CFAP97D2: variants seen among roughly 807,000 people sequenced by gnomAD.
The protein encoded by CFAP97D2 is uncharacterized protein CFAP97D2.
chr13:114,200,401 CCAGGGGA>C lies in CFAP97D2; in HGVS notation c.252_258del (p.Gly85LeufsTer48). The C allele has an allele frequency of 2.5e-6, 1 of 398,694 alleles. No homozygotes were observed. Among genetic ancestry groups the C allele is most frequent in the Non-Finnish European group, 4.4e-6 (1 of 226,102 alleles). The allele number at this position is 398,694 out of a possible 1,614,324, so 24.7% of individuals were successfully genotyped here. The stretch of plus-strand genomic sequence containing the variant: ...GAGAAGGTGGCCTCTGTCATGAGGA[CCAGGGGA>C]CAGACTGACAGCAAAAACAACTCCA... On this transcript the variant is annotated frameshift_variant, in exon 3 of 5. Coordinates refer to ENST00000646158, the Ensembl canonical transcript of CFAP97D2. LOFTEE classifies it high-confidence loss of function.
intron 3 of CFAP97D2, among the ~76,000 whole-genome samples, chr13:114,201,417 T>C (rs1421317113): frequency 1.3e-5 from 2 of 152,224 alleles, no homozygotes; most frequent in Non-Finnish European, 2.9e-5. Flanking sequence ...AGGTGTGTGA[T>C]ACAGGAAGAT....
chr13:114,207,088 G>T lies in CFAP97D2; in HGVS notation c.291-4824G>T, dbSNP rs1034917835. On this transcript the variant is annotated intron_variant, in intron 3 of 4. Transcript: ENST00000646158. This position sits in a 1 kb window ranked among gnomAD's most constrained non-coding sequence, Gnocchi z 4.9. ...GCACAGGCTGCCAAGCATCACCACC[G>T]CATGGCAGCAGTGTCCCCGCATCCA... Among the ~76,000 whole-genome samples, 1 of 152,194 alleles carries T rather than the reference G, an allele frequency of 6.6e-6. No individual in the cohort carries two copies. Among genetic ancestry groups the T allele is most frequent in the Non-Finnish European group, 1.5e-5 (1 of 68,024 alleles).
intron 4 of CFAP97D2, among the ~76,000 whole-genome samples, chr13:114,220,214 G>A (rs1258317133): frequency 6.6e-6 from 1 of 152,016 alleles, no homozygotes; most frequent in African/African-American, 2.4e-5. Flanking sequence ...CCTATGGTTC[G>A]GCCAGCTGCC....
chr13:114,216,464 CGGTGT>C (rs2080993790), intron 4 of CFAP97D2, among the ~76,000 whole-genome samples: 1 of 152,026 alleles, frequency 6.6e-6, no homozygotes, highest in African/African-American at 2.4e-5. Context: ...CGACAGGCCC[CGGTGT>C]GTGACGCTAA....
At chr13:114,206,383 G>A (rs1380754603) in intron 3 of CFAP97D2, among the ~76,000 whole-genome samples, 3 of 152,344 alleles carry the variant, frequency 2.0e-5, no homozygotes, top group South Asian at 2.1e-4. Flanking sequence ...GATTACAGGC[G>A]TGAGCCACCG....
chr13:114,198,220 C>T (rs1357431221), intron 2 of CFAP97D2, among the ~76,000 whole-genome samples: 1 of 152,110 alleles, frequency 6.6e-6, no homozygotes, highest in Non-Finnish European at 1.5e-5. Context: ...CTCCTGACCT[C>T]GTGAAGTTTA....
Position 114,187,542 on chromosome 13 carries a change from G to A in CFAP97D2, c.90+8122G>A, listed in dbSNP as rs989009687. ...TTAAAGGGAACGATAAAATGGGGTC[G>A]ATTCTCCAAAAAGGCATAATAATCC... On this transcript the variant is annotated intron_variant, in intron 1 of 4. Coordinates refer to ENST00000646158, the Ensembl canonical transcript of CFAP97D2. The surrounding 1 kb of genome is among the most constrained non-coding windows in gnomAD (Gnocchi z 4.2). Among the ~76,000 whole-genome samples the A allele has an allele frequency of 6.6e-6, 1 of 151,992 alleles. No individual in the cohort carries two copies. The highest frequency in any genetic ancestry group is 6.6e-5 in the Admixed American group (1 of 15,244).
intron 4 of CFAP97D2, among the ~76,000 whole-genome samples, chr13:114,215,422 A>G (rs886648373): frequency 2.6e-5 from 4 of 152,216 alleles, no homozygotes; most frequent in African/African-American, 9.7e-5. Context: ...CAAATCCATC[A>G]ATAATTTCCC....
intron 3 of CFAP97D2, among the ~76,000 whole-genome samples, chr13:114,201,453 G>A (rs774977853): frequency 4.6e-5 from 7 of 152,224 alleles, no homozygotes; most frequent in Non-Finnish European, 8.8e-5. Flanking sequence ...GTGCACCACT[G>A]GGAAGGTGCT....
chr13:114,185,018 G>A lies in CFAP97D2; in HGVS notation c.90+5598G>A, dbSNP rs920953139. Among the ~76,000 whole-genome samples the A allele has an allele frequency of 2.6e-5, 4 of 152,224 alleles. No homozygotes were observed. The East Asian group carries it at 5.8e-4, about 22-fold the overall frequency. The stretch of plus-strand genomic sequence containing the variant: ...TCATGTCAGTTGCAGTGGGTGGGGG[G>A]TGGTGCATGGGTGGTGGTGGTGGAA... On this transcript the variant is annotated intron_variant, in intron 1 of 4. Transcript: ENST00000646158. This position sits in a 1 kb window ranked among gnomAD's most constrained non-coding sequence, Gnocchi z 5.2.
Position 114,187,651 on chromosome 13 carries a change from G to T in CFAP97D2, c.90+8231G>T, listed in dbSNP as rs1428531742. On this transcript the variant is annotated intron_variant, in intron 1 of 4. Transcript: ENST00000646158. The surrounding 1 kb of genome is among the most constrained non-coding windows in gnomAD (Gnocchi z 4.2). ...ATAGATGAATCCCCTTATCACAATT[G>T]GAGACTTCAACACCCCCTGTCAGAA... Among the ~76,000 whole-genome samples the T allele has an allele frequency of 6.6e-6, 1 of 152,006 alleles. No homozygotes were observed. The highest frequency in any genetic ancestry group is 1.5e-5 in the Non-Finnish European group (1 of 68,018).
At chr13:114,209,619 G>A (rs190778232) in intron 3 of CFAP97D2, among the ~76,000 whole-genome samples, 110 of 152,028 alleles carry the variant, frequency 7.2e-4, no homozygotes, top group African/African-American at 1.4e-3. Flanking sequence ...CCAGTGTGGC[G>A]CTCATTCTGT....
intron 1 of CFAP97D2, among the ~76,000 whole-genome samples, chr13:114,182,853 C>T (rs772392084): frequency 1.3e-5 from 2 of 152,204 alleles, no homozygotes; most frequent in Admixed American, 6.5e-5. Context: ...ATTCAAAGTA[C>T]AGGTCTTTTT....
chr13:114,221,203 C>T (rs1345835098), intron 4 of CFAP97D2, among the ~76,000 whole-genome samples: 4 of 152,170 alleles, frequency 2.6e-5, no homozygotes, highest in African/African-American at 4.8e-5. Flanking sequence ...GCCGACATCG[C>T]GCCACTGCAC....
chr13:114,192,882 A>T (rs1023702680), intron 1 of CFAP97D2, among the ~76,000 whole-genome samples: 1 of 152,218 alleles, frequency 6.6e-6, no homozygotes, highest in Non-Finnish European at 1.5e-5. Context: ...CCATAGAGGC[A>T]GAAAATATTT....
intron 4 of CFAP97D2, chr13:114,215,750 C>T (rs2080990527): frequency 6.6e-6 from 1 of 152,200 alleles, no homozygotes; most frequent in Admixed American, 6.5e-5. Context: ...TGAAGGGTTA[C>T]CCGTGGGGGC....
At chr13:114,193,278 A>G (rs1333288550) in intron 1 of CFAP97D2, among the ~76,000 whole-genome samples, 1 of 152,256 alleles carries the variant, frequency 6.6e-6, no homozygotes, top group Non-Finnish European at 1.5e-5. Flanking sequence ...AGAATAGAAT[A>G]TTCAGATAGA....
intron 4 of CFAP97D2, among the ~76,000 whole-genome samples, chr13:114,212,451 C>T (rs894619518): frequency 1.3e-5 from 2 of 152,168 alleles, no homozygotes; most frequent in Non-Finnish European, 2.9e-5. Context: ...CAGTGGCTCA[C>T]GTCTATAACC....
rs967519349 is a variant in CFAP97D2 at position 114,203,756 on chromosome 13, G to A, written c.290+3313G>A. The stretch of plus-strand genomic sequence containing the variant: ...CCGTGGCTTCACCCGTTTCCCCAGT[G>A]CGCATGTGGGCATGTGCAGACAAGG... On this transcript the variant is annotated intron_variant, in intron 3 of 4. Transcript: ENST00000646158. This position sits in a 1 kb window ranked among gnomAD's most constrained non-coding sequence, Gnocchi z 4.3. Among the ~76,000 whole-genome samples, 2 of 152,220 alleles carry A rather than the reference G, an allele frequency of 1.3e-5. No homozygotes were observed. The highest frequency in any genetic ancestry group is 2.9e-5 in the Non-Finnish European group (2 of 68,048).
Sources: gnomAD v4.1 joint callset for allele counts (sites outside exome capture counted in the v4.1 genomes callset) on GRCh38, gnomAD v4.1.1 for gene constraint, Gnocchi (gnomAD v3.1) non-coding constraint, MANE v1.5 for transcripts, NCBI Gene and HGNC (gene_info 2026-07-23, HGNC 2026-07-21) for gene names.